KMT2E: variants seen among roughly 807,000 people sequenced by gnomAD.
The protein encoded by KMT2E is lysine methyltransferase 2E (inactive), also known as histone reader KMT2E.
A neutral mutation model predicts 184.6 loss-of-function variants in KMT2E; 30 were observed. That is an observed-to-expected ratio of 0.16 (90% CI 0.12 to 0.22). The LOEUF is 0.22. KMT2E is among the 10% of genes least tolerant of loss of function. KMT2E has a pLI of 1.00. For synonymous variants in KMT2E, 815 were observed against 776.5 expected, an observed-to-expected ratio of 1.05 and a Z score of -0.82; for missense variants, 2,023 against 2,237.4, an observed-to-expected ratio of 0.90 and a Z score of 1.93.
At chr7:105,111,359 T>C (rs1799259598) in intron 26 of KMT2E, among the ~76,000 whole-genome samples, 1 of 151,822 alleles carries the variant, frequency 6.6e-6, no homozygotes, top group South Asian at 2.1e-4. Context: ...CTTGGTTTAT[T>C]TATATCTGAA....
At chr7:105,106,914 AT>A in intron 20 of KMT2E, 142 bp downstream of exon 20, 1 of 845,894 alleles carries the variant, frequency 1.2e-6, no homozygotes, top group Non-Finnish European at 1.8e-6. Context: ...AGAAAAATTC[AT>A]TTATATGAAT....
At position 105,110,697 on chromosome 7, in the gene KMT2E, A is replaced by G. The variant is rs1321137848; in HGVS notation, c.3971-74A>G. On this transcript the variant is annotated intron_variant, in intron 25 of 26. Transcript: ENST00000311117. Reference sequence around the variant, plus strand: ...AAAGTTGGTTTGGATAGTAGAATGTATGTTGCTTTGTGGTGTTAAAACAGT... The same window carrying G: ...AAAGTTGGTTTGGATAGTAGAATGTGTGTTGCTTTGTGGTGTTAAAACAGT... 37 of 1,582,472 alleles carry G rather than the reference A, an allele frequency of 2.3e-5. No individual in the cohort carries two copies. The South Asian group carries it at 4.0e-4, about 17-fold the overall frequency.
In KMT2E at chr7:105,112,969, C is replaced by T; in HGVS notation, c.5213C>T (p.Ala1738Val). 6.2e-7 allele frequency: 1 copy of T among 1,614,020 alleles called. No homozygotes were observed. The highest frequency in any genetic ancestry group is 8.5e-7 in the Non-Finnish European group (1 of 1,179,986). Residue 1738 changes from alanine to valine, a missense_variant, in exon 27 of 27, where the codon GCC becomes GTC. Coordinates refer to ENST00000311117, the MANE Select transcript of KMT2E (RefSeq NM_182931.3). ...ASGHHTTSAQALHHPPHQGPP... is the reference protein window; with the variant it reads ...ASGHHTTSAQVLHHPPHQGPP... ...GGGCATCATACCACATCAGCTCAAG[C>T]CTTACACCACCCACCTCATCAAGGA...
chr7:105,090,582 CT>C (rs1183947710), intron 14 of KMT2E, among the ~76,000 whole-genome samples: 1 of 152,162 alleles, frequency 6.6e-6, no homozygotes, highest in East Asian at 1.9e-4. Flanking sequence ...TATTTAAAGT[CT>C]TAAGCTGCAA....
intron 1 of KMT2E, among the ~76,000 whole-genome samples, chr7:105,020,015 G>A (rs1484131715): frequency 6.6e-6 from 1 of 151,736 alleles, no homozygotes; most frequent in Non-Finnish European, 1.5e-5. Flanking sequence ...GGGCGAGGCA[G>A]GAGAATTGCT....
chr7:105,050,049 C>G (rs1796265811), intron 3 of KMT2E, among the ~76,000 whole-genome samples: 1 of 152,166 alleles, frequency 6.6e-6, no homozygotes, highest in Non-Finnish European at 1.5e-5. Context: ...TTCAGTTTCT[C>G]TATTAGATCA....
At chr7:105,109,316 T>C in intron 23 of KMT2E, 88 bp downstream of exon 23, 1 of 1,335,060 alleles carries the variant, frequency 7.5e-7, no homozygotes, top group Non-Finnish European at 1.0e-6. Flanking sequence ...AAGGCTAAGC[T>C]GATAGTGCTT....
At position 105,113,465 on chromosome 7, in the gene KMT2E, T is replaced by C. The variant is rs1200812336; in HGVS notation, c.*132T>C. 2 of 1,021,432 alleles carry C rather than the reference T, an allele frequency of 2.0e-6. No homozygotes were observed. The highest frequency in any genetic ancestry group is 1.6e-5 in the African/African-American group (1 of 61,632). The allele number at this position is 1,021,432 out of a possible 1,614,324, so 63.3% of individuals were successfully genotyped here. On this transcript the variant is annotated 3_prime_UTR_variant, in exon 27 of 27. Transcript: ENST00000311117. ...AAAACACCAGTGCTCTTTCGTTGTA[T>C]TTTTCTCATTTTTGCTTTTTAAAAT...
In KMT2E at chr7:105,112,953, A is replaced by G. The variant is rs756059910; in HGVS notation, c.5197A>G (p.Thr1733Ala). ...CAGTGTTTTGGCTTCTGGGCATCAT[A>G]CCACATCAGCTCAAGCCTTACACCA... Reference protein sequence around the residue: ...PSSVLASGHHTTSAQALHHPP... With the variant: ...PSSVLASGHHATSAQALHHPP... The change falls in exon 27 of 27, where the codon ACC (threonine) becomes GCC (alanine). Residue 1733 changes from threonine (T) to alanine (A), a missense_variant. Transcript: ENST00000311117. 2 of 1,613,478 alleles carry G rather than the reference A, an allele frequency of 1.2e-6. No individual in the cohort carries two copies. The highest frequency in any genetic ancestry group is 1.7e-5 in the Admixed American group (1 of 59,920).
intron 3 of KMT2E, among the ~76,000 whole-genome samples, chr7:105,041,821 CT>C (rs1795894413): frequency 6.6e-6 from 1 of 152,048 alleles, no homozygotes; most frequent in South Asian, 2.1e-4. Flanking sequence ...AACATTTTTG[CT>C]TGTGATTTCT....
intron 25 of KMT2E, 29 bp from the exon 26 acceptor site, chr7:105,110,742 A>G: frequency 6.3e-7 from 1 of 1,597,300 alleles, no homozygotes; most frequent in Non-Finnish European, 8.6e-7. Context: ...GTAATTTTAT[A>G]CTTACTATAG....
At chr7:105,081,427 T>G (rs1797761302) in intron 12 of KMT2E, among the ~76,000 whole-genome samples, 2 of 148,966 alleles carry the variant, frequency 1.3e-5, no homozygotes, top group Non-Finnish European at 3.0e-5. Context: ...AGTATTTTTA[T>G]TATTATTATT....
At chr7:105,066,703 A>G (rs1229806643) in intron 5 of KMT2E, 24 bp from the exon 6 acceptor site, 9 of 1,521,030 alleles carry the variant, frequency 5.9e-6, no homozygotes, top group Non-Finnish European at 7.3e-6. Flanking sequence ...AATATTACAT[A>G]TGTTCTGCTT....
chr7:105,098,890 G>A (rs1401378531), intron 15 of KMT2E, among the ~76,000 whole-genome samples: 2 of 152,140 alleles, frequency 1.3e-5, no homozygotes, highest in Non-Finnish European at 2.9e-5. Flanking sequence ...ACAGGTGTTA[G>A]GGGCTATGGA....
chr7:105,015,707 C>G (rs995030654), intron 1 of KMT2E, among the ~76,000 whole-genome samples: 1 of 152,054 alleles, frequency 6.6e-6, no homozygotes, highest in African/African-American at 2.4e-5. Context: ...GTAATCTAAT[C>G]AGCTCGGGTC....
At chr7:105,094,200 A>G (rs903394734) in intron 15 of KMT2E, among the ~76,000 whole-genome samples, 2 of 152,154 alleles carry the variant, frequency 1.3e-5, no homozygotes, top group African/African-American at 4.8e-5. Flanking sequence ...ATCACCTTTT[A>G]TTTTCCTAGT....
At chr7:105,093,316 A>G (rs921176811) in intron 15 of KMT2E, among the ~76,000 whole-genome samples, 2 of 152,192 alleles carry the variant, frequency 1.3e-5, no homozygotes, top group Admixed American at 6.5e-5. Flanking sequence ...GCTACTTTAA[A>G]TATATATTCT....
chr7:105,107,959 A>AT (rs1798986118), intron 22 of KMT2E, 34 bp downstream of exon 22: 89 of 1,283,224 alleles, frequency 6.9e-5, no homozygotes, highest in Middle Eastern at 2.0e-4. Flanking sequence ...TCCTTTTAAT[A>AT]GTTTTTTTTT....
rs957581254 is a variant in KMT2E, at chr7:105,113,460, T to C, written c.*127T>C. ...TATAAAAAACACCAGTGCTCTTTCG[T>C]TGTATTTTTCTCATTTTTGCTTTTT... is the stretch of plus-strand genomic sequence containing the variant. On this transcript the variant is annotated 3_prime_UTR_variant, in exon 27 of 27. Coordinates refer to ENST00000311117, the MANE Select transcript of KMT2E (RefSeq NM_182931.3). 9.3e-7 allele frequency: 1 copy of C among 1,070,516 alleles called. No individual in the cohort carries two copies. The highest frequency in any genetic ancestry group is 1.6e-5 in the African/African-American group (1 of 62,508). 66.3% of individuals were successfully genotyped at this position (1,070,516 alleles called of 1,614,324 possible).
Sources: gnomAD v4.1 joint callset for allele counts (sites outside exome capture counted in the v4.1 genomes callset) on GRCh38, gnomAD v4.1.1 for gene constraint, MANE v1.5 for transcripts, NCBI Gene and HGNC (gene_info 2026-07-23, HGNC 2026-07-21) for gene names.